Variants in IKBKB observed in about 807,000 individuals in gnomAD.
IKBKB encodes the protein inhibitor of nuclear factor kappa B kinase subunit beta.
Under a neutral mutation model 113.6 loss-of-function variants are expected in IKBKB, and 42 were observed. The observed-to-expected ratio is 0.37, with a 90% CI of 0.29 to 0.48. The LOEUF (loss-of-function observed/expected upper bound fraction) is 0.48, where lower values mean the gene tolerates loss of function less well. IKBKB is among the 20% of genes least tolerant of loss of function. The probability of loss-of-function intolerance (pLI) is 0.99; values close to 1 mark genes in which losing one functional copy is unlikely to be tolerated. For synonymous variants in IKBKB, 296 were observed against 361.3 expected, an observed-to-expected ratio of 0.82 and a Z score of 2.05; for missense variants, 673 against 939.7, an observed-to-expected ratio of 0.72 and a Z score of 3.71.
intron 2 of IKBKB, among the ~76,000 whole-genome samples, chr8:42,273,061 T>C (rs1447218413): frequency 6.6e-6 from 1 of 152,078 alleles, no homozygotes; most frequent in Non-Finnish European, 1.5e-5. Context: ...GAGCTATGAT[T>C]GTGCCACTGC....
chr8:42,330,033 ATGATAATGTTT>A (rs1563378227), intron 21 of IKBKB: 2 of 985,284 alleles, frequency 2.0e-6, no homozygotes, highest in East Asian at 1.1e-4. Flanking sequence ...TCCTCCTGGC[ATGATAATGTTT>A]TGATCAGTTC....
At chr8:42,312,285 A>T (rs1287756765) in intron 8 of IKBKB, among the ~76,000 whole-genome samples, 1 of 152,208 alleles carries the variant, frequency 6.6e-6, no homozygotes, top group East Asian at 1.9e-4. Context: ...TTAGAACTAG[A>T]AGAACAGGTG....
intron 3 of IKBKB, 108 bp downstream of exon 3, chr8:42,288,836 C>A (rs1811972966): frequency 2.4e-6 from 2 of 839,422 alleles, no homozygotes; most frequent in Non-Finnish European, 3.7e-6. Context: ...GTAATCCTAG[C>A]ACTTTGGAAG....
intron 5 of IKBKB, among the ~76,000 whole-genome samples, chr8:42,295,348 A>G (rs1360233938): frequency 3.3e-5 from 5 of 152,052 alleles, no homozygotes; most frequent in Non-Finnish European, 4.4e-5. Flanking sequence ...CGAACTCTTG[A>G]CCTCAAGTGA....
chr8:42,321,656 G>C (rs1360313707), intron 16 of IKBKB: 3 of 451,474 alleles, frequency 6.6e-6, no homozygotes, highest in Non-Finnish European at 1.2e-5. Flanking sequence ...CAAGTAACCG[G>C]GACTACAGGC....
intron 8 of IKBKB, 81 bp downstream of exon 8, chr8:42,309,106 C>A: frequency 6.9e-7 from 1 of 1,441,686 alleles, no homozygotes; most frequent in Non-Finnish European, 9.5e-7. Flanking sequence ...CCCTGGCGCC[C>A]CATCACCGGG....
intron 2 of IKBKB, among the ~76,000 whole-genome samples, chr8:42,288,043 G>T (rs1181327426): frequency 6.6e-6 from 1 of 152,128 alleles, no homozygotes; most frequent in Non-Finnish European, 1.5e-5. Flanking sequence ...TGGCGGAGCT[G>T]GGAATGGAGC....
At chr8:42,288,150 T>C (rs1205734245) in intron 2 of IKBKB, among the ~76,000 whole-genome samples, 2 of 151,010 alleles carry the variant, frequency 1.3e-5, no homozygotes, top group Non-Finnish European at 3.0e-5. Flanking sequence ...ACATTGAGAG[T>C]GCGAGGCGGG....
intron 5 of IKBKB, among the ~76,000 whole-genome samples, chr8:42,297,182 C>T (rs1184917241): frequency 2.0e-5 from 3 of 152,184 alleles, no homozygotes; most frequent in East Asian, 1.9e-4. Context: ...CTGATGAGCT[C>T]GTATTTTACT....
chr8:42,322,243 C>T, intron 18 of IKBKB, 90 bp downstream of exon 18: 8 of 1,561,782 alleles, frequency 5.1e-6, no homozygotes, highest in Non-Finnish European at 6.2e-6. Context: ...TTCGCTGGAC[C>T]TCATGAAGAG....
intron 5 of IKBKB, among the ~76,000 whole-genome samples, chr8:42,296,671 A>G (rs1200009383): frequency 6.6e-6 from 1 of 152,156 alleles, no homozygotes; most frequent in Non-Finnish European, 1.5e-5. Context: ...AAAATTGTCA[A>G]ATGAATCAAA....
intron 5 of IKBKB, among the ~76,000 whole-genome samples, chr8:42,299,061 T>A (rs1238131260): frequency 6.6e-6 from 1 of 152,152 alleles, no homozygotes; most frequent in Non-Finnish European, 1.5e-5. Context: ...CATCCTAAAG[T>A]CATATCCATG....
chr8:42,308,453 A>G (rs1408918639), intron 7 of IKBKB, among the ~76,000 whole-genome samples: 1 of 152,030 alleles, frequency 6.6e-6, no homozygotes, highest in Non-Finnish European at 1.5e-5. Context: ...GCACACCACC[A>G]TGCCCAGCTA....
chr8:42,283,254 TG>T (rs1476995355), intron 2 of IKBKB, among the ~76,000 whole-genome samples: 5 of 152,214 alleles, frequency 3.3e-5, no homozygotes. Flanking sequence ...ATCTATTTTT[TG>T]GATCTGATGA....
chr8:42,312,189 G>A (rs147377457), intron 8 of IKBKB, among the ~76,000 whole-genome samples: 6 of 152,318 alleles, frequency 3.9e-5, no homozygotes, highest in Admixed American at 1.3e-4. Flanking sequence ...CCCGGCTGTA[G>A]TGGTTTTAAC....
rs138859604 is a variant in IKBKB at position 42,313,320 on chromosome 8, G to A, written c.693-1002G>A. Reference sequence around the variant, plus strand: ...ACAAAAATTTGCTGGGTGTGGTGGCGCACACCAGTAGTCCCAGCTACTCAG... The same window carrying A: ...ACAAAAATTTGCTGGGTGTGGTGGCACACACCAGTAGTCCCAGCTACTCAG... On this transcript the variant is annotated intron_variant, in intron 8 of 21. Transcript: ENST00000520810. 2.8e-3 allele frequency among the ~76,000 whole-genome samples: 425 copies of A among 152,084 alleles called. 2 individuals carry two copies. The highest frequency in any genetic ancestry group is 9.9e-3 in the African/African-American group (409 of 41,496).
intron 5 of IKBKB, chr8:42,297,993 C>A (rs1336878137): frequency 1.6e-6 from 1 of 624,554 alleles, no homozygotes; most frequent in African/African-American, 2.0e-5. Context: ...TCACTCCATG[C>A]TGATAGGAGA....
At chr8:42,326,256 T>G (rs1052067630) in intron 20 of IKBKB, 159 bp downstream of exon 20, 3 of 831,774 alleles carry the variant, frequency 3.6e-6, no homozygotes, top group African/African-American at 3.4e-5. Flanking sequence ...AAGTGATACA[T>G]GTTTGGCTCT....
At chr8:42,289,729 G>T (rs531077665) in intron 3 of IKBKB, among the ~76,000 whole-genome samples, 5 of 152,276 alleles carry the variant, frequency 3.3e-5, no homozygotes, top group South Asian at 2.1e-4. Context: ...GGTGATGTGT[G>T]TGCGTGAACC....
Sources: gnomAD v4.1 joint callset for allele counts (sites outside exome capture counted in the v4.1 genomes callset) on GRCh38, gnomAD v4.1.1 for gene constraint, MANE v1.5 for transcripts, NCBI Gene and HGNC (gene_info 2026-07-23, HGNC 2026-07-21) for gene names.